The following COL9A1 variants were observed in gnomAD, a reference collection of about 807,000 sequenced individuals.
COL9A1 encodes collagen type IX alpha 1 chain.
A neutral mutation model predicts 142.6 loss-of-function variants in COL9A1; 104 were observed. The ratio of observed to expected loss-of-function variants is 0.73; its 90% confidence interval spans 0.62 to 0.86. The LOEUF is 0.86. COL9A1 is among the 40% of genes least tolerant of loss of function. COL9A1 has a pLI of 0.00. For synonymous variants in COL9A1, 466 were observed against 396.0 expected (o/e 1.18, Z -2.10); for missense variants, 1,210 against 1,176.6 (o/e 1.03, Z -0.42).
chr6:70,291,159 T>A (rs1773643957), intron 5 of COL9A1, among the ~76,000 whole-genome samples: 1 of 152,142 alleles, frequency 6.6e-6, no homozygotes. Context: ...GGACAACTCA[T>A]GGACACACAG....
rs139950777 is a variant in COL9A1 at position 70,245,740 on chromosome 6, A to C, written c.1873-3025T>G. On this transcript the variant is annotated intron_variant, in intron 28 of 37. Transcript: ENST00000357250. ...GAGGCCGAGGTGGGTGGATCACTTGAGATCAGGAGTTCGAGACCAGCCCGA... is the reference window on the plus strand; with the variant it reads ...GAGGCCGAGGTGGGTGGATCACTTGCGATCAGGAGTTCGAGACCAGCCCGA... The C allele has an allele frequency of 3.9e-3, 596 of 152,412 alleles. 9 individuals are homozygous for C. Among genetic ancestry groups the C allele is most frequent in the Admixed American group, 0.024 (372 of 15,296 alleles). The allele number at this position is 152,412 out of a possible 1,614,324, so 9.4% of individuals were successfully genotyped here. A position where few individuals can be genotyped will look rare whatever the true frequency, so the allele number is the denominator to read the frequency against.
chr6:70,231,899 A>C (rs1310752451), intron 36 of COL9A1, among the ~76,000 whole-genome samples: 1 of 152,150 alleles, frequency 6.6e-6, no homozygotes, highest in Non-Finnish European at 1.5e-5. Flanking sequence ...CAAACTCCAA[A>C]TGAGACAGCC....
chr6:70,263,439 G>A (rs963722009), intron 18 of COL9A1, 142 bp from the exon 19 acceptor site: 1 of 626,376 alleles, frequency 1.6e-6, no homozygotes, highest in African/African-American at 1.9e-5. Context: ...TTATTTATAT[G>A]GGTAGTCCAA....
At position 70,301,971 on chromosome 6, in the gene COL9A1, C is replaced by A. The variant is rs764966913; in HGVS notation, c.88+30G>T. On this transcript the variant is annotated intron_variant, in intron 2 of 37. Transcript: ENST00000357250. ...CTGATCATTTCTGGGAATAAGTGAT[C>A]TTTGAAAGTCTAGAAACTATGGCCC... The A allele has an allele frequency of 7.0e-6, 11 of 1,572,716 alleles. 1 individual carries two copies. The highest frequency in any genetic ancestry group is 6.7e-5 in the East Asian group (3 of 44,506).
At position 70,271,663 on chromosome 6, in the gene COL9A1, C is replaced by T. The variant is rs2127590763; in HGVS notation, c.1135G>A (p.Gly379Arg). The T allele has an allele frequency of 6.2e-7, 1 of 1,613,868 alleles. No homozygotes were observed. The highest frequency in any genetic ancestry group is 8.5e-7 in the Non-Finnish European group (1 of 1,179,828). Residue 379 changes from glycine (G) to arginine (R), a missense_variant, in exon 14 of 38, where the codon GGA (glycine) becomes AGA (arginine). Physicochemically the swap from Gly to Arg is moderately radical, Grantham distance 125. Transcript: ENST00000357250. ...TGCACTGTGGTACTCACAACAGGTC[C>T]TACACGGCCAAGCTCTCCAGGGAGT... ...AGLPGELGRV[G>R]PVGDPGRRGP...
At chr6:70,248,499 G>C (rs1458724912) in intron 28 of COL9A1, among the ~76,000 whole-genome samples, 1 of 152,160 alleles carries the variant, frequency 6.6e-6, no homozygotes, top group African/African-American at 2.4e-5. Flanking sequence ...CTGATCAAAC[G>C]TGTGAGGCAT....
rs989646516 is a variant in COL9A1 at position 70,242,137 on chromosome 6, A to T, written c.1927-102T>A. 8.7e-5 allele frequency: 87 copies of T among 1,001,042 alleles called. No homozygotes were observed. The African/African-American group carries it at 1.3e-3, about 15-fold the overall frequency. 62.0% of individuals were successfully genotyped at this position (1,001,042 alleles called of 1,614,324 possible). The stretch of plus-strand genomic sequence containing the variant: ...GTGTGTTGACTTGTGTCTAAAATAA[A>T]CGTGCTGTGGTTGGTTGAACTCTGC... On this transcript the variant is annotated intron_variant, in intron 29 of 37. Transcript: ENST00000357250.
intron 37 of COL9A1, among the ~76,000 whole-genome samples, chr6:70,224,535 T>C (rs995801377): frequency 3.3e-5 from 5 of 152,204 alleles, no homozygotes; most frequent in African/African-American, 4.8e-5. Flanking sequence ...GATTTGTCAA[T>C]AAAATGAGAG....
chr6:70,252,231 G>T (rs1445399766), intron 27 of COL9A1, 31 bp downstream of exon 27: 6 of 1,614,018 alleles, frequency 3.7e-6, no homozygotes, highest in Non-Finnish European at 5.1e-6. Flanking sequence ...CAACAGGTTA[G>T]AACTTCAGGA....
At chr6:70,239,195 T>C in intron 33 of COL9A1, 59 bp downstream of exon 33, 1 of 1,070,928 alleles carries the variant, frequency 9.3e-7, no homozygotes, top group Non-Finnish European at 1.4e-6. Context: ...ATATTATATA[T>C]TCTACAGCTT....
At chr6:70,265,169 A>G (rs2127584963) in intron 18 of COL9A1, among the ~76,000 whole-genome samples, 1 of 152,242 alleles carries the variant, frequency 6.6e-6, no homozygotes, top group East Asian at 1.9e-4. Flanking sequence ...ATCAAACCAA[A>G]TTTGAGAATC....
Position 70,263,312 on chromosome 6 carries a change from GA to G in COL9A1, c.1342-16del. 1 of 1,603,490 alleles carries G rather than the reference GA, an allele frequency of 6.2e-7. No individual in the cohort carries two copies. Among genetic ancestry groups the G allele is most frequent in the African/African-American group, 1.3e-5 (1 of 74,296 alleles). On this transcript the variant is annotated splice_polypyrimidine_tract_variant and intron_variant, in intron 18 of 37. Transcript: ENST00000357250. ...CCTTCTTCACCCTAAAGAAAAAAAAGAAAAAAGAAAAGCACACCAAATGTTA... is the reference window on the plus strand; with the variant it reads ...CCTTCTTCACCCTAAAGAAAAAAAAGAAAAAGAAAAGCACACCAAATGTTA...
intron 32 of COL9A1, 94 bp downstream of exon 32, chr6:70,240,595 A>ATAT: frequency 4.5e-6 from 3 of 665,108 alleles, no homozygotes; most frequent in Non-Finnish European, 7.7e-6. Context: ...ATATATATAT[A>ATAT]CCAATTTTGA....
At position 70,300,338 on chromosome 6, in the gene COL9A1, T is replaced by G; in HGVS notation, c.137A>C (p.Lys46Thr). The change falls in exon 3 of 38, where the codon AAG (lysine) becomes ACG (threonine). Residue 46 changes from lysine (K) to threonine (T), a missense_variant. Lys to Thr is a moderately conservative substitution (Grantham distance 78). Coordinates refer to ENST00000357250, the MANE Select transcript of COL9A1 (RefSeq NM_001851.6). Reference protein sequence around the residue: ...NSNGGNELCPKIRIGQDDLPG... With the variant: ...NSNGGNELCPTIRIGQDDLPG... Reference sequence around the variant, plus strand: ...TAAGTCATCTTGGCCAATCCTGATCTTTGGACAGAGTTCATTTCCACCATT... The same window carrying G: ...TAAGTCATCTTGGCCAATCCTGATCGTTGGACAGAGTTCATTTCCACCATT... 1 of 1,613,762 alleles carries G rather than the reference T, an allele frequency of 6.2e-7. No individual in the cohort carries two copies. The highest frequency in any genetic ancestry group is 8.5e-7 in the Non-Finnish European group (1 of 1,179,792).
chr6:70,242,274 A>T lies in COL9A1; in HGVS notation c.1927-239T>A, dbSNP rs1271267007. On this transcript the variant is annotated intron_variant, in intron 29 of 37. Coordinates refer to ENST00000357250, the MANE Select transcript of COL9A1 (RefSeq NM_001851.6). ...AGTTCCCCTTGCACTCCTTGGCAAC[A>T]GTAGGCTTTTTCAGTCAAGCCCCCG... 2.5e-5 allele frequency: 15 copies of T among 593,008 alleles called. No homozygotes were observed. In the Admixed American group the frequency reaches 3.8e-4, roughly 15 times the overall value. The allele number at this position is 593,008 out of a possible 1,614,324, so 36.7% of individuals were successfully genotyped here. A position where few individuals can be genotyped will look rare whatever the true frequency, so the allele number is the denominator to read the frequency against.
At chr6:70,295,111 G>A (rs1773802029) in intron 4 of COL9A1, among the ~76,000 whole-genome samples, 1 of 151,990 alleles carries the variant, frequency 6.6e-6, no homozygotes, top group Non-Finnish European at 1.5e-5. Context: ...ACCCATATAA[G>A]TATTTTGAGA....
intron 5 of COL9A1, among the ~76,000 whole-genome samples, chr6:70,285,754 G>T (rs1011124244): frequency 2.6e-5 from 4 of 152,176 alleles, no homozygotes; most frequent in Non-Finnish European, 5.9e-5. Context: ...AATATAAAAT[G>T]CCCTAGCAAA....
chr6:70,281,082 A>G, intron 8 of COL9A1, 43 bp from the exon 9 acceptor site: 1 of 1,555,664 alleles, frequency 6.4e-7, no homozygotes, highest in Non-Finnish European at 8.8e-7. Flanking sequence ...TATGAGCGGG[A>G]TAGGCTGAGG....
chr6:70,257,126 T>G (rs1032181035), intron 20 of COL9A1, among the ~76,000 whole-genome samples: 2 of 144,966 alleles, frequency 1.4e-5, no homozygotes, highest in African/African-American at 5.1e-5. Flanking sequence ...AGTGGCGCCA[T>G]CTTGGCTCAC....
Sources: allele counts gnomAD v4.1 joint callset (sites outside exome capture counted in the v4.1 genomes callset), GRCh38; gene constraint gnomAD v4.1.1; transcripts MANE v1.5; gene names NCBI Gene and HGNC (gene_info 2026-07-23, HGNC 2026-07-21).